The following FANCM variants were observed in gnomAD, a reference collection of about 807,000 sequenced individuals.
The protein encoded by FANCM is FA complementation group M, also known as Fanconi anemia group M protein.
A neutral mutation model predicts 199.5 loss-of-function variants in FANCM; 140 were observed. That is an observed-to-expected ratio of 0.70 (90% CI 0.61 to 0.81). FANCM has a LOEUF of 0.81. FANCM is among the 30% of genes least tolerant of loss of function. The pLI is 0.00. For synonymous variants in FANCM, 840 were observed against 836.8 expected (o/e 1.00, Z -0.07); for missense variants, 2,410 against 2,421.4 (o/e 1.00, Z 0.10).
intron 5 of FANCM, among the ~76,000 whole-genome samples, chr14:45,152,407 G>A (rs1886892036): frequency 6.6e-6 from 1 of 152,002 alleles, no homozygotes; most frequent in Non-Finnish European, 1.5e-5. Context: ...GCCATGAGAA[G>A]GTAGATTGTA....
chr14:45,145,331 C>T (rs1427411972), intron 3 of FANCM, among the ~76,000 whole-genome samples: 1 of 152,028 alleles, frequency 6.6e-6, no homozygotes, highest in Non-Finnish European at 1.5e-5. Flanking sequence ...AACTGTCCCA[C>T]CTGGTGTCTC....
chr14:45,168,978 G>C (rs1279172999), intron 11 of FANCM, among the ~76,000 whole-genome samples: 1 of 151,814 alleles, frequency 6.6e-6, no homozygotes, highest in Non-Finnish European at 1.5e-5. Flanking sequence ...CTGGAGTGCA[G>C]TGGCATGATC....
In FANCM at chr14:45,166,892, G is replaced by A. The variant is rs1338785427; in HGVS notation, c.1789-58G>A. 5.1e-6 allele frequency: 5 copies of A among 975,218 alleles called. No homozygotes were observed. The East Asian group carries it at 7.5e-5, about 15-fold the overall frequency. 60.4% of individuals were successfully genotyped at this position (975,218 alleles called of 1,614,324 possible). A position where few individuals can be genotyped will look rare whatever the true frequency, so the allele number is the denominator to read the frequency against. On this transcript the variant is annotated intron_variant, in intron 10 of 22. Transcript: ENST00000267430. ...ATCCAAACTAATAATTGCTTGTTAT[G>A]GATAAATTGTTATTTATAAAAGTAA...
chr14:45,153,728 C>T (rs772377553), intron 5 of FANCM, among the ~76,000 whole-genome samples, 192 bp from the exon 6 acceptor site: 71 of 152,050 alleles, frequency 4.7e-4, no homozygotes, highest in Non-Finnish European at 9.0e-4. Context: ...TACATTGGTA[C>T]CTTTCCATAG....
At chr14:45,184,376 A>G (rs1342112442) in intron 17 of FANCM, among the ~76,000 whole-genome samples, 1 of 152,178 alleles carries the variant, frequency 6.6e-6, no homozygotes, top group Non-Finnish European at 1.5e-5. Context: ...AGAAACATCA[A>G]GCAGGCTGGG....
At position 45,185,119 on chromosome 14, in the gene FANCM, G is replaced by A. The variant is rs575854179; in HGVS notation, c.4516-98G>A. On this transcript the variant is annotated intron_variant, in intron 17 of 22. Transcript: ENST00000267430. ...TTTTATTATTTTATTAATCTTAAAA[G>A]CATTGATAAGAAATCAGTTTTCCAG... 2.7e-4 allele frequency: 231 copies of A among 843,052 alleles called. 2 individuals are homozygous for A. Among genetic ancestry groups the A allele is most frequent in the South Asian group, 1.0e-3 (65 of 64,900 alleles). 52.2% of individuals were successfully genotyped at this position (843,052 alleles called of 1,614,324 possible). A position where few individuals can be genotyped will look rare whatever the true frequency, so the allele number is the denominator to read the frequency against.
chr14:45,141,287 CAA>C (rs534567010), intron 3 of FANCM, among the ~76,000 whole-genome samples: 22 of 45,054 alleles, frequency 4.9e-4, no homozygotes. Context: ...GGCTCCGTCT[CAA>C]AAAAAAAAAA....
At chr14:45,181,054 AAG>A (rs760261550) in intron 14 of FANCM, among the ~76,000 whole-genome samples, 7 of 152,236 alleles carry the variant, frequency 4.6e-5, no homozygotes, top group Non-Finnish European at 8.8e-5. Context: ...TTCAAGTAGA[AAG>A]AGAATAAGAC....
At chr14:45,154,489 A>G (rs751070822) in intron 6 of FANCM, among the ~76,000 whole-genome samples, 5 of 152,060 alleles carry the variant, frequency 3.3e-5, no homozygotes, top group Admixed American at 6.6e-5. Context: ...ACAAATGGCC[A>G]TGTTTCTTTG....
intron 17 of FANCM, 142 bp from the exon 18 acceptor site, chr14:45,185,075 C>T (rs1594810185): frequency 1.1e-5 from 7 of 652,716 alleles, no homozygotes; most frequent in South Asian, 2.0e-5. Flanking sequence ...CATCACTGCA[C>T]TGGGCCTAGA....
At chr14:45,170,786 T>C (rs1404136327) in intron 12 of FANCM, 40 bp downstream of exon 12, 2 of 1,539,460 alleles carry the variant, frequency 1.3e-6, no homozygotes, top group African/African-American at 2.7e-5. Flanking sequence ...TTCCCCCCCC[T>C]CATTTTAATG....
intron 16 of FANCM, 98 bp from the exon 17 acceptor site, chr14:45,183,676 A>T: frequency 1.4e-6 from 1 of 731,194 alleles, no homozygotes; most frequent in East Asian, 2.8e-5. Flanking sequence ...CATTAATATT[A>T]TGTATTTATA....
intron 2 of FANCM, chr14:45,137,770 C>A (rs1479987427): frequency 6.2e-6 from 1 of 160,720 alleles, no homozygotes; most frequent in Non-Finnish European, 1.4e-5. Context: ...CTGTTTCCCT[C>A]TTCTCCTAAG....
At chr14:45,143,322 A>G (rs1409136477) in intron 3 of FANCM, among the ~76,000 whole-genome samples, 1 of 151,984 alleles carries the variant, frequency 6.6e-6, no homozygotes, top group Non-Finnish European at 1.5e-5. Context: ...GCCTGCCACC[A>G]CACCCAGCAA....
intron 9 of FANCM, among the ~76,000 whole-genome samples, chr14:45,161,204 A>G (rs1314849718): frequency 2.0e-5 from 3 of 152,326 alleles, no homozygotes; most frequent in East Asian, 1.9e-4. Context: ...ATTTATGTCA[A>G]TAATATTTTA....
intron 3 of FANCM, among the ~76,000 whole-genome samples, chr14:45,144,934 G>T (rs1252643304): frequency 6.6e-6 from 1 of 151,984 alleles, no homozygotes; most frequent in Non-Finnish European, 1.5e-5. Flanking sequence ...CTAGAGATGT[G>T]CTGGGTTTCA....
chr14:45,198,963 A>T (rs764115158), intron 22 of FANCM, 28 bp downstream of exon 22: 2 of 1,543,784 alleles, frequency 1.3e-6, no homozygotes, highest in Non-Finnish European at 1.8e-6. Context: ...TTTTTAAATG[A>T]TTACTTTTAA....
chr14:45,138,207 A>G (rs1414412025), intron 2 of FANCM, among the ~76,000 whole-genome samples: 1 of 152,198 alleles, frequency 6.6e-6, no homozygotes, highest in Non-Finnish European at 1.5e-5. Flanking sequence ...ATAAACATAT[A>G]GATGGTAGTT....
intron 21 of FANCM, among the ~76,000 whole-genome samples, chr14:45,198,216 G>T (rs939079659): frequency 2.0e-5 from 3 of 152,130 alleles, no homozygotes; most frequent in Non-Finnish European, 4.4e-5. Flanking sequence ...GAACAAGAAA[G>T]GGTAGGGAAG....
Sources: gnomAD v4.1 joint callset for allele counts (sites outside exome capture counted in the v4.1 genomes callset) on GRCh38, gnomAD v4.1.1 for gene constraint, MANE v1.5 for transcripts, NCBI Gene and HGNC (gene_info 2026-07-23, HGNC 2026-07-21) for gene names.